CSGALNACT1: variants seen among roughly 807,000 people sequenced by gnomAD.
The protein encoded by CSGALNACT1 is beta4GalNAcT-1.
A neutral mutation model predicts 51.0 loss-of-function variants in CSGALNACT1; 52 were observed. The observed-to-expected ratio is 1.02, with a 90% CI of 0.82 to 1.29. The LOEUF (loss-of-function observed/expected upper bound fraction) is 1.29. Among genes scored for constraint, CSGALNACT1 ranks in the 50% most tolerant of loss-of-function variants. The probability of loss-of-function intolerance (pLI) is 0.00; values close to 1 mark genes in which losing one functional copy is unlikely to be tolerated. For synonymous variants in CSGALNACT1, 341 were observed against 254.4 expected (o/e 1.34, Z -3.24); for missense variants, 935 against 679.2 (o/e 1.38, Z -4.19).
chr8:19,703,843 A>G (rs188405294), intron 1 of CSGALNACT1, among the ~76,000 whole-genome samples: 8 of 152,334 alleles, frequency 5.3e-5, no homozygotes, highest in African/African-American at 1.2e-4. Context: ...GTTACAATTA[A>G]CAGTGTTTTT....
intron 5 of CSGALNACT1, among the ~76,000 whole-genome samples, chr8:19,454,471 G>A (rs575981181): frequency 3.0e-4 from 45 of 152,328 alleles, no homozygotes; most frequent in African/African-American, 1.0e-3. Context: ...AGGAGTTTGA[G>A]ACCAGCCTGA....
At chr8:19,566,868 A>G (rs2042007206) in intron 3 of CSGALNACT1, among the ~76,000 whole-genome samples, 1 of 151,996 alleles carries the variant, frequency 6.6e-6, no homozygotes, top group Non-Finnish European at 1.5e-5. Flanking sequence ...CTTACAGCCA[A>G]CCCCCCTTTT....
At chr8:19,660,900 G>A (rs1367109757) in intron 1 of CSGALNACT1, among the ~76,000 whole-genome samples, 1 of 151,976 alleles carries the variant, frequency 6.6e-6, no homozygotes, top group Non-Finnish European at 1.5e-5. Flanking sequence ...GGACCGTTCA[G>A]GTTTGTTTGT....
At chr8:19,634,768 CA>C (rs1296158518) in intron 1 of CSGALNACT1, among the ~76,000 whole-genome samples, 2 of 152,170 alleles carry the variant, frequency 1.3e-5, no homozygotes, top group Non-Finnish European at 2.9e-5. Flanking sequence ...GAGCCCTTAC[CA>C]GGAAGCAAAG....
At chr8:19,733,859 A>G (rs916711345) in intron 1 of CSGALNACT1, among the ~76,000 whole-genome samples, 1 of 152,024 alleles carries the variant, frequency 6.6e-6, no homozygotes, top group African/African-American at 2.4e-5. Flanking sequence ...CTCTGCTGCC[A>G]TCCCTGAATA....
Position 19,662,063 on chromosome 8 carries a change from C to T in CSGALNACT1, c.-544+20410G>A, listed in dbSNP as rs1224245271. Among the ~76,000 whole-genome samples, 50 of 37,448 alleles carry T rather than the reference C, an allele frequency of 1.3e-3. 4 individuals carry two copies. Among genetic ancestry groups the T allele is most frequent in the Admixed American group, 9.9e-3 (49 of 4,934 alleles). 24.6% of individuals were successfully genotyped at this position (37,448 alleles called of 152,430 possible). ...CCTTTCCCACTATTACAGTTGCCCC[C>T]ACCCCCCCCCACCCCCCCCCCCCCC... On this transcript the variant is annotated intron_variant, in intron 1 of 9. Coordinates refer to the CSGALNACT1 transcript ENST00000332246.
At chr8:19,738,160 G>C (rs12676379) in intron 1 of CSGALNACT1, among the ~76,000 whole-genome samples, 170 of 152,210 alleles carry the variant, frequency 1.1e-3, no homozygotes, top group Non-Finnish European at 2.0e-3. Context: ...CCAAGAATTC[G>C]AGGCTGCAGT....
intron 1 of CSGALNACT1, among the ~76,000 whole-genome samples, chr8:19,629,560 C>T (rs1259722544): frequency 1.3e-5 from 2 of 152,236 alleles, no homozygotes; most frequent in African/African-American, 2.4e-5. Flanking sequence ...GCCTTTACAA[C>T]TCAGATTATT....
At chr8:19,574,424 T>C (rs188854383) in intron 3 of CSGALNACT1, among the ~76,000 whole-genome samples, 8 of 152,270 alleles carry the variant, frequency 5.3e-5, no homozygotes, top group Admixed American at 5.2e-4. Flanking sequence ...TGCAGCCCAG[T>C]TTATCAGACA....
intron 3 of CSGALNACT1, among the ~76,000 whole-genome samples, chr8:19,553,620 C>CATACATATATAT (rs1386703624): frequency 5.6e-5 from 4 of 71,564 alleles, no homozygotes; most frequent in African/African-American, 3.7e-4. Context: ...TATATAAATA[C>CATACATATATAT]ATATATATAT....
rs563857601 is a variant in CSGALNACT1, at chr8:19,405,906, C to G, written c.1473G>C (p.Lys491Asn). The G allele has an allele frequency of 1.1e-5, 18 of 1,614,172 alleles. No individual in the cohort carries two copies. The South Asian group carries it at 1.8e-4, about 16-fold the overall frequency. ...TCATGGCCTTGGACTGCATGCACAT[C>G]TTGTACTGCTCGGGGGTCAGCTCGT... is the stretch of plus-strand genomic sequence containing the variant. Residue 491 changes from lysine (K) to asparagine (N), a missense_variant, in exon 10 of 10, where the codon AAG becomes AAC. Transcript: ENST00000454498.
At chr8:19,680,399 T>A (rs898204349) in intron 1 of CSGALNACT1, among the ~76,000 whole-genome samples, 57 of 151,904 alleles carry the variant, frequency 3.8e-4, no homozygotes, top group African/African-American at 1.3e-3. Flanking sequence ...GTACTAAAAA[T>A]ATAAAAATCA....
chr8:19,625,943 A>G (rs1642803908), intron 1 of CSGALNACT1, among the ~76,000 whole-genome samples: 1 of 152,254 alleles, frequency 6.6e-6, no homozygotes, highest in Non-Finnish European at 1.5e-5. Flanking sequence ...AGCCTTTTCA[A>G]AAGTTATTTG....
At chr8:19,438,513 T>C (rs1244256029) in intron 6 of CSGALNACT1, among the ~76,000 whole-genome samples, 1 of 152,224 alleles carries the variant, frequency 6.6e-6, no homozygotes, top group African/African-American at 2.4e-5. Context: ...ACACAGGCCA[T>C]AGCTTTAAGT....
At chr8:19,413,931 T>A (rs2056384371) in intron 8 of CSGALNACT1, among the ~76,000 whole-genome samples, 1 of 152,130 alleles carries the variant, frequency 6.6e-6, no homozygotes, top group Non-Finnish European at 1.5e-5. Flanking sequence ...TTTACAGATA[T>A]TTTCTCTGCA....
intron 1 of CSGALNACT1, among the ~76,000 whole-genome samples, chr8:19,681,383 G>A (rs1589481766): frequency 6.6e-6 from 1 of 152,256 alleles, no homozygotes; most frequent in African/African-American, 2.4e-5. Context: ...GGGGGAAATG[G>A]TGCATCTGTC....
chr8:19,450,328 G>A (rs1022984418), intron 5 of CSGALNACT1, among the ~76,000 whole-genome samples: 5 of 151,526 alleles, frequency 3.3e-5, no homozygotes, highest in Non-Finnish European at 5.9e-5. Context: ...AGGAGGAGAG[G>A]AAGAGGAAGA....
chr8:19,554,916 T>C (rs1048943069), intron 3 of CSGALNACT1, among the ~76,000 whole-genome samples: 1 of 151,100 alleles, frequency 6.6e-6, no homozygotes, highest in Non-Finnish European at 1.5e-5. Context: ...AGACTCTGTC[T>C]CAAAAAAAGA....
rs1488388456 is a variant in CSGALNACT1 at position 19,567,866 on chromosome 8, T to C, written c.-297+23294A>G. 2.6e-5 allele frequency among the ~76,000 whole-genome samples: 4 copies of C among 152,068 alleles called. No individual in the cohort carries two copies. In the East Asian group the frequency reaches 5.8e-4, roughly 22 times the overall value. On this transcript the variant is annotated intron_variant, in intron 3 of 9. Transcript: ENST00000454498. ...AATATAAGCACAAAGAGTTAGAAAA[T>C]GAAATGTTAAAAAGATACCATTTAC...
Sources: gnomAD v4.1 joint callset for allele counts (sites outside exome capture counted in the v4.1 genomes callset) on GRCh38, gnomAD v4.1.1 for gene constraint, MANE v1.5 for transcripts, NCBI Gene and HGNC (gene_info 2026-07-23, HGNC 2026-07-21) for gene names.